DHRS7B: variants seen among roughly 807,000 people sequenced by gnomAD.
The protein encoded by DHRS7B is peroxisomal reductase activating PPAR-gamma.
A neutral mutation model predicts 26.4 loss-of-function variants in DHRS7B; 24 were observed. The observed-to-expected ratio is 0.91, with a 90% CI of 0.66 to 1.28. DHRS7B has a LOEUF of 1.28. Ranked by LOEUF, DHRS7B falls within the 50% of genes most tolerant of loss-of-function variation. The probability of loss-of-function intolerance (pLI) is 0.00; values close to 1 mark genes in which losing one functional copy is unlikely to be tolerated. For synonymous variants in DHRS7B, 142 were observed against 166.4 expected, an observed-to-expected ratio of 0.85 and a Z score of 1.13; for missense variants, 368 against 419.4, an observed-to-expected ratio of 0.88 and a Z score of 1.07.
At position 21,131,437 on chromosome 17, in the gene DHRS7B, C is replaced by T. The variant is rs907162535; in HGVS notation, c.20+4446C>T. ...TGGTGCTGGTAGGAGTGTCTTTTAG[C>T]GAGCTAATGCCTTATAATTAGCATA... On this transcript the variant is annotated intron_variant, in intron 1 of 6. Coordinates refer to ENST00000395511, the MANE Select transcript of DHRS7B (RefSeq NM_015510.5). Among the ~76,000 whole-genome samples, 44 of 152,280 alleles carry T rather than the reference C, an allele frequency of 2.9e-4. No individual in the cohort carries two copies. The East Asian group carries it at 3.3e-3, about 11-fold the overall frequency.
chr17:21,130,605 A>G (rs1361139388), intron 1 of DHRS7B, among the ~76,000 whole-genome samples: 4 of 152,146 alleles, frequency 2.6e-5, no homozygotes, highest in African/African-American at 9.7e-5. Flanking sequence ...GGGTTTTTCA[A>G]AGAAATGCTG....
In DHRS7B at chr17:21,172,153, T is replaced by C. The variant is rs780234911; in HGVS notation, c.156T>C (p.Asn52=). ...QWVRGKAYLR[N]AVVVITGATS... ...TGCGCGGGAAGGCCTACCTGCGGAA[T>C]GCTGTGGTGGTGATCACAGGCGCCA... The change falls in exon 2 of 7, where the codon AAT becomes AAC. Residue 52 remains asparagine (N), a synonymous_variant. Coordinates refer to ENST00000395511, the MANE Select transcript of DHRS7B (RefSeq NM_015510.5). 8.7e-6 allele frequency: 14 copies of C among 1,613,902 alleles called. No homozygotes were observed. Among genetic ancestry groups the C allele is most frequent in the Admixed American group, 1.7e-5 (1 of 60,000 alleles).
At chr17:21,178,211 A>G in intron 2 of DHRS7B, 22 bp from the exon 3 acceptor site, 1 of 1,609,132 alleles carries the variant, frequency 6.2e-7, no homozygotes, top group Non-Finnish European at 8.5e-7. Context: ...ATGGCTGTCA[A>G]GGCTCTTTTC....
chr17:21,164,029 G>GTTTTTTTTTTTTTTTTTTTTT (rs1476090515), intron 1 of DHRS7B, among the ~76,000 whole-genome samples: 2 of 43,808 alleles, frequency 4.6e-5, no homozygotes, highest in African/African-American at 2.1e-4. Context: ...CAATTGTTGT[G>GTTTTTTTTTTTTTTTTTTTTT]CTTTTTTTTT....
intron 3 of DHRS7B, among the ~76,000 whole-genome samples, chr17:21,179,467 G>C (rs1405221617): frequency 6.6e-6 from 1 of 152,102 alleles, no homozygotes; most frequent in Non-Finnish European, 1.5e-5. Context: ...GGGTGTGGTG[G>C]TGCATGCCCG....
chr17:21,184,383 C>A lies in DHRS7B; in HGVS notation c.539C>A (p.Ser180Tyr). 1.9e-6 allele frequency: 3 copies of A among 1,614,164 alleles called. No individual in the cohort carries two copies. Among genetic ancestry groups the A allele is most frequent in the Non-Finnish European group, 1.7e-6 (2 of 1,180,008 alleles). Residue 180 changes from serine (S) to tyrosine (Y), a missense_variant, in exon 5 of 7, where the codon TCC becomes TAC. Physicochemically the swap from Ser to Tyr is moderately radical, Grantham distance 144 (BLOSUM62 -2). Coordinates refer to ENST00000395511, the MANE Select transcript of DHRS7B (RefSeq NM_015510.5). ...PVALTKALLPSMIKRRQGHIV... is the reference protein window; with the variant it reads ...PVALTKALLPYMIKRRQGHIV... ...CATCTGTCCTCAGCACTCCTGCCCT[C>A]CATGATCAAGAGGAGGCAAGGCCAC...
Position 21,137,968 on chromosome 17 carries a change from G to A in DHRS7B, c.20+10977G>A, listed in dbSNP as rs138360778. Among the ~76,000 whole-genome samples, 96 of 149,984 alleles carry A rather than the reference G, an allele frequency of 6.4e-4. 1 individual carries two copies. In the East Asian group the frequency reaches 9.4e-3, roughly 15 times the overall value. On this transcript the variant is annotated intron_variant, in intron 1 of 6. Coordinates refer to ENST00000395511, the MANE Select transcript of DHRS7B (RefSeq NM_015510.5). ...AGGGTGGTCTCGATCTCCCGACCTCGTGATCTGCTTGCCTCAGCCTCCCAT... is the reference window on the plus strand; with the variant it reads ...AGGGTGGTCTCGATCTCCCGACCTCATGATCTGCTTGCCTCAGCCTCCCAT...
At chr17:21,167,305 G>A (rs1300689053) in intron 1 of DHRS7B, among the ~76,000 whole-genome samples, 3 of 152,146 alleles carry the variant, frequency 2.0e-5, no homozygotes, top group Admixed American at 2.0e-4. Context: ...TGGCTGCCCG[G>A]GCCCAAGGAA....
At chr17:21,153,643 A>G (rs1262743957) in intron 1 of DHRS7B, among the ~76,000 whole-genome samples, 1 of 152,180 alleles carries the variant, frequency 6.6e-6, no homozygotes, top group African/African-American at 2.4e-5. Context: ...TAGAAGATCA[A>G]AGCACTGGCA....
intron 1 of DHRS7B, chr17:21,127,383 G>C (rs1468614327): frequency 4.8e-5 from 10 of 209,410 alleles, no homozygotes; most frequent in Non-Finnish European, 7.6e-5. Context: ...CGAGTGGCAG[G>C]ACCGAGGGTT....
chr17:21,141,064 G>T (rs1454448404), intron 1 of DHRS7B, among the ~76,000 whole-genome samples: 1 of 152,044 alleles, frequency 6.6e-6, no homozygotes, highest in African/African-American at 2.4e-5. Context: ...CTCAGAGAGG[G>T]CTCAGAACAC....
At chr17:21,140,022 C>CTTTTTTT (rs201900387) in intron 1 of DHRS7B, among the ~76,000 whole-genome samples, 1,754 of 106,524 alleles carry the variant, frequency 0.016, 202 homozygotes, top group South Asian at 0.019. Flanking sequence ...CTTTCAGATT[C>CTTTTTTT]TTTTTTTTTT....
At chr17:21,174,786 G>A (rs1305262939) in intron 2 of DHRS7B, among the ~76,000 whole-genome samples, 2 of 152,252 alleles carry the variant, frequency 1.3e-5, no homozygotes, top group Non-Finnish European at 2.9e-5. Context: ...GAAGCCAGCA[G>A]GGCCCAAGGT....
intron 1 of DHRS7B, among the ~76,000 whole-genome samples, chr17:21,132,204 T>C (rs1398948123): frequency 6.6e-6 from 1 of 151,454 alleles, no homozygotes; most frequent in Non-Finnish European, 1.5e-5. Context: ...ATACAGAAAA[T>C]GGAAGTGAGG....
At chr17:21,181,034 A>C (rs979329660) in intron 3 of DHRS7B, among the ~76,000 whole-genome samples, 1 of 152,168 alleles carries the variant, frequency 6.6e-6, no homozygotes, top group African/African-American at 2.4e-5. Context: ...TGTTTGTCTT[A>C]GTCTGTTTTA....
chr17:21,154,066 T>C (rs780096386), intron 1 of DHRS7B, among the ~76,000 whole-genome samples: 1 of 152,158 alleles, frequency 6.6e-6, no homozygotes, highest in Admixed American at 6.5e-5. Context: ...CCCAGCACTT[T>C]GGGAGGCTGA....
At chr17:21,179,592 T>G (rs1332666433) in intron 3 of DHRS7B, among the ~76,000 whole-genome samples, 1 of 151,978 alleles carries the variant, frequency 6.6e-6, no homozygotes, top group Non-Finnish European at 1.5e-5. Context: ...AGAGCGAGAC[T>G]CTGTCTCAAA....
intron 6 of DHRS7B, among the ~76,000 whole-genome samples, chr17:21,190,617 C>A (rs529794020): frequency 5.0e-4 from 76 of 152,326 alleles, no homozygotes; most frequent in African/African-American, 1.8e-3. Flanking sequence ...GCCCCCACCC[C>A]GGGCTGGCCC....
At chr17:21,187,673 A>G (rs1047489419) in intron 5 of DHRS7B, among the ~76,000 whole-genome samples, 5 of 151,462 alleles carry the variant, frequency 3.3e-5, no homozygotes, top group Non-Finnish European at 7.4e-5. Flanking sequence ...AAACCAAAAT[A>G]GAATTAAACA....
Sources: gnomAD v4.1 joint callset for allele counts (sites outside exome capture counted in the v4.1 genomes callset) on GRCh38, gnomAD v4.1.1 for gene constraint, MANE v1.5 for transcripts, NCBI Gene and HGNC (gene_info 2026-07-23, HGNC 2026-07-21) for gene names.